Variants in TBL1X observed in about 807,000 individuals in gnomAD.
The protein encoded by TBL1X is F-box-like/WD repeat-containing protein TBL1X.
In TBL1X, 10 loss-of-function variants were observed where a neutral mutation model predicts 50.7. That is an observed-to-expected ratio of 0.20 (90% CI 0.12 to 0.33). The LOEUF is 0.33. Among genes scored for constraint, TBL1X ranks in the 10% least tolerant of loss-of-function variants. The pLI is 1.00. For missense variants in TBL1X, 340 were observed against 504.4 expected (o/e 0.67, Z 3.12); for synonymous variants, 190 against 214.7 (o/e 0.88, Z 1.01).
intron 2 of TBL1X, among the ~76,000 whole-genome samples, chrX:9,613,563 A>G (rs1379611783): frequency 8.9e-6 from 1 of 112,036 alleles, no homozygotes; most frequent in Non-Finnish European, 1.9e-5. Context: ...TGTAAAATAC[A>G]TACACTGTGA....
intron 2 of TBL1X, among the ~76,000 whole-genome samples, chrX:9,596,845 C>T (rs1252220174): frequency 1.8e-5 from 2 of 110,977 alleles, no homozygotes; most frequent in Admixed American, 9.6e-5. Flanking sequence ...GTGGTGGTCT[C>T]TGAGAACCCA....
At chrX:9,522,120 C>T (rs1048222807) in intron 2 of TBL1X, among the ~76,000 whole-genome samples, 4 of 106,924 alleles carry the variant, frequency 3.7e-5, no homozygotes, top group Non-Finnish European at 3.8e-5. Flanking sequence ...TGGGCTCAAG[C>T]GATCCTCCCA....
intron 7 of TBL1X, among the ~76,000 whole-genome samples, chrX:9,690,486 C>A (rs1487625838): frequency 1.8e-5 from 2 of 111,291 alleles, no homozygotes; most frequent in African/African-American, 6.5e-5. Context: ...GACACCAGTC[C>A]CACTGGGTTA....
intron 5 of TBL1X, among the ~76,000 whole-genome samples, chrX:9,657,640 A>G (rs16998761): frequency 0.033 from 3,720 of 112,497 alleles, 180 homozygotes; most frequent in African/African-American, 0.12. Flanking sequence ...CAAACCACAT[A>G]TATTTCCCTA....
At chrX:9,468,733 G>T in intron 1 of TBL1X, among the ~76,000 whole-genome samples, 1 of 108,635 alleles carries the variant, frequency 9.2e-6, no homozygotes, top group Non-Finnish European at 1.9e-5. Context: ...GTGGGTAGGA[G>T]TATATATATA....
chrX:9,700,973 C>T (rs761085110), intron 12 of TBL1X, among the ~76,000 whole-genome samples: 1 of 110,653 alleles, frequency 9.0e-6, no homozygotes, highest in Non-Finnish European at 1.9e-5. Context: ...ACCTGGGACC[C>T]GTCAGTGCTG....
chrX:9,685,609 G>A (rs1252764574), intron 6 of TBL1X, among the ~76,000 whole-genome samples: 3 of 110,918 alleles, frequency 2.7e-5, no homozygotes, highest in Non-Finnish European at 5.7e-5. Context: ...CTGGGAACTG[G>A]TCTTGCCCTT....
At chrX:9,559,147 A>G (rs1484398104) in intron 2 of TBL1X, among the ~76,000 whole-genome samples, 1 of 112,063 alleles carries the variant, frequency 8.9e-6, no homozygotes, top group Non-Finnish European at 1.9e-5. Flanking sequence ...AATTGGATTG[A>G]CAATTCCCTT....
chrX:9,553,031 T>A (rs2082278231), intron 2 of TBL1X, among the ~76,000 whole-genome samples: 1 of 111,209 alleles, frequency 9.0e-6, no homozygotes, highest in South Asian at 3.9e-4. Flanking sequence ...TAGTCCCAGC[T>A]ACTCAGGATG....
At chrX:9,691,406 A>C (rs2083096048) in intron 7 of TBL1X, among the ~76,000 whole-genome samples, 173 bp from the exon 8 acceptor site, 1 of 103,987 alleles carries the variant, frequency 9.6e-6, no homozygotes, top group East Asian at 3.1e-4. Context: ...ACTGCACTCC[A>C]GCCTGGGCGA....
At position 9,697,616 on chromosome X, in the gene TBL1X, C is replaced by T. The variant is rs767058679; in HGVS notation, c.1114+187C>T. Among the ~76,000 whole-genome samples, 21 of 111,507 alleles carry T rather than the reference C, an allele frequency of 1.9e-4. No homozygotes were observed. In the South Asian group the frequency reaches 2.7e-3, roughly 14 times the overall value. ...GCAAAACCCATCACTACAAAAAATA[C>T]GATAACTAGCCAGGCGTGGTGGTCC... On this transcript the variant is annotated intron_variant, in intron 12 of 17. Transcript: ENST00000645353.
intron 2 of TBL1X, among the ~76,000 whole-genome samples, chrX:9,599,568 G>A (rs1417971604): frequency 2.7e-5 from 3 of 111,743 alleles, no homozygotes; most frequent in African/African-American, 9.8e-5. Flanking sequence ...GGCAGAGGTG[G>A]CCAGACTAGA....
intron 2 of TBL1X, among the ~76,000 whole-genome samples, chrX:9,601,300 G>A (rs763733341): frequency 9.0e-5 from 10 of 111,157 alleles, no homozygotes; most frequent in African/African-American, 3.3e-4. Flanking sequence ...TCAGGAAGGG[G>A]TTTTGGGGTG....
intron 3 of TBL1X, among the ~76,000 whole-genome samples, chrX:9,650,233 A>C (rs954088057): frequency 1.2e-4 from 13 of 112,971 alleles, no homozygotes; most frequent in Non-Finnish European, 3.7e-5. Context: ...CAGTTTTGCA[A>C]TGTGGGACAT....
intron 12 of TBL1X, among the ~76,000 whole-genome samples, chrX:9,700,180 C>A (rs913602387): frequency 2.9e-4 from 33 of 112,038 alleles, no homozygotes; most frequent in African/African-American, 1.0e-3. Context: ...GGCTTAAGTG[C>A]CAAAACCTAC....
intron 2 of TBL1X, among the ~76,000 whole-genome samples, chrX:9,562,207 C>A (rs1005028184): frequency 1.8e-5 from 2 of 112,018 alleles, no homozygotes; most frequent in African/African-American, 6.5e-5. Flanking sequence ...ATTTGAATTG[C>A]TGTTAATTGA....
chrX:9,637,363 G>A (rs1258208784), intron 2 of TBL1X: 3 of 112,055 alleles, frequency 2.7e-5, no homozygotes, highest in Non-Finnish European at 5.6e-5. Context: ...ATAGAATTAA[G>A]GCAGACATGA....
chrX:9,520,313 C>T (rs1256390432), intron 2 of TBL1X, among the ~76,000 whole-genome samples: 2 of 111,247 alleles, frequency 1.8e-5, no homozygotes, highest in African/African-American at 6.6e-5. Context: ...TTTGACCGCC[C>T]CCCGCCCCCC....
chrX:9,480,093 T>C (rs2081872915), intron 1 of TBL1X, among the ~76,000 whole-genome samples: 1 of 110,913 alleles, frequency 9.0e-6, no homozygotes, highest in Non-Finnish European at 1.9e-5. Flanking sequence ...TAGCTGAGAT[T>C]AAGGACATGC....
Sources: gnomAD v4.1 joint callset for allele counts (sites outside exome capture counted in the v4.1 genomes callset) on GRCh38, gnomAD v4.1.1 for gene constraint, MANE v1.5 for transcripts, NCBI Gene and HGNC (gene_info 2026-07-23, HGNC 2026-07-21) for gene names.